Variants in CEACAM4 observed in about 807,000 individuals in gnomAD.
CEACAM4 encodes the protein CEA cell adhesion molecule 4, also known as cell adhesion molecule CEACAM4.
A neutral mutation model predicts 28.7 loss-of-function variants in CEACAM4; 30 were observed. That is an observed-to-expected ratio of 1.05 (90% CI 0.78 to 1.42). The LOEUF (loss-of-function observed/expected upper bound fraction) is 1.42. Among genes scored for constraint, CEACAM4 ranks in the 40% most tolerant of loss-of-function variants. CEACAM4 has a pLI of 0.00. For missense variants in CEACAM4, 330 were observed against 308.2 expected (o/e 1.07, Z -0.53); for synonymous variants, 143 against 126.5 (o/e 1.13, Z -0.87).
At chr19:41,620,766 G>A (rs113268821) in intron 3 of CEACAM4, 139 bp from the exon 4 acceptor site, 18 of 734,198 alleles carry the variant, frequency 2.5e-5, no homozygotes, top group East Asian at 2.8e-5. Flanking sequence ...TGGTAGGAGC[G>A]GCCGAGGACG....
At chr19:41,623,316 C>A (rs1449452948) in intron 2 of CEACAM4, among the ~76,000 whole-genome samples, 5 of 152,130 alleles carry the variant, frequency 3.3e-5, no homozygotes, top group African/African-American at 9.7e-5. Context: ...CGCTCCTGGC[C>A]CCAGAGTTGT....
chr19:41,619,099 C>T lies in CEACAM4; in HGVS notation c.*231G>A, dbSNP rs182091592. The T allele has an allele frequency of 3.3e-4, 178 of 540,442 alleles. No individual in the cohort carries two copies. Among genetic ancestry groups the T allele is most frequent in the African/African-American group, 3.0e-3 (154 of 51,940 alleles). The allele number at this position is 540,442 out of a possible 1,614,324, so 33.5% of individuals were successfully genotyped here. ...CCCATTCACTTTCCTTGCAAGCCCCCGCTTCCTGTGGTGATGAGAGGCCTT... is the reference window on the plus strand; with the variant it reads ...CCCATTCACTTTCCTTGCAAGCCCCTGCTTCCTGTGGTGATGAGAGGCCTT... On this transcript the variant is annotated 3_prime_UTR_variant, in exon 7 of 7. Transcript: ENST00000221954.
chr19:41,620,100 G>C (rs1568646302), intron 5 of CEACAM4, 111 bp downstream of exon 5: 1 of 1,034,722 alleles, frequency 9.7e-7, no homozygotes, highest in East Asian at 3.0e-5. Flanking sequence ...TGACCTGACT[G>C]TTCTGGGGAA....
At position 41,619,700 on chromosome 19, in the gene CEACAM4, G is replaced by C; in HGVS notation, c.639C>G (p.Pro213=). Residue 213 remains proline, a synonymous_variant, in exon 6 of 7, where the codon CCC becomes CCG. Coordinates refer to ENST00000221954, the MANE Select transcript of CEACAM4 (RefSeq NM_001817.4). ...SHRSTFSAPL[P]SPRTATPIYE... ...AGATGGGAGTGGCTGTTCTGGGGCT[G>C]GGTAGAGGGGCCTGGGCAGGGGAGA... 1 of 1,588,252 alleles carries C rather than the reference G, an allele frequency of 6.3e-7. No individual in the cohort carries two copies. Among genetic ancestry groups the C allele is most frequent in the Non-Finnish European group, 8.6e-7 (1 of 1,165,762 alleles).
chr19:41,622,369 C>T (rs537358023), intron 2 of CEACAM4, among the ~76,000 whole-genome samples: 4 of 152,190 alleles, frequency 2.6e-5, no homozygotes, highest in Non-Finnish European at 4.4e-5. Context: ...TGAGCCACTG[C>T]GCCCAGTCTT....
At chr19:41,626,838 A>G in intron 1 of CEACAM4, 62 bp downstream of exon 1, 1 of 1,486,734 alleles carries the variant, frequency 6.7e-7, no homozygotes, top group Non-Finnish European at 9.4e-7. Flanking sequence ...CTCCTACCCA[A>G]GAGACCCCAG....
At chr19:41,622,486 T>A (rs12972738) in intron 2 of CEACAM4, among the ~76,000 whole-genome samples, 5 of 151,854 alleles carry the variant, frequency 3.3e-5, no homozygotes, top group African/African-American at 1.2e-4. Context: ...TTTTCAGGGG[T>A]CTTCCATGTG....
chr19:41,620,641 G>A lies in CEACAM4; in HGVS notation c.543-14C>T, dbSNP rs1400282761. On this transcript the variant is annotated splice_polypyrimidine_tract_variant and intron_variant, in intron 3 of 6. Transcript: ENST00000221954. Reference sequence around the variant, plus strand: ...TGGATGCTGGCCCTAGGAAAGGTCAGGATTATTCATGAGGGTGCAGGGAGA... The same window carrying A: ...TGGATGCTGGCCCTAGGAAAGGTCAAGATTATTCATGAGGGTGCAGGGAGA... 46 of 1,611,456 alleles carry A rather than the reference G, an allele frequency of 2.9e-5. No homozygotes were observed. Among genetic ancestry groups the A allele is most frequent in the Non-Finnish European group, 3.7e-5 (44 of 1,178,024 alleles).
Position 41,621,631 on chromosome 19 carries a change from C to A in CEACAM4, c.542+20G>T. 1 of 1,437,350 alleles carries A rather than the reference C, an allele frequency of 7.0e-7. No individual in the cohort carries two copies. The highest frequency in any genetic ancestry group is 1.4e-5 in the African/African-American group (1 of 71,682). The allele number at this position is 1,437,350 out of a possible 1,614,324, so 89.0% of individuals were successfully genotyped here. A position where few individuals can be genotyped will look rare whatever the true frequency, so the allele number is the denominator to read the frequency against. On this transcript the variant is annotated intron_variant, in intron 3 of 6. Coordinates refer to ENST00000221954, the MANE Select transcript of CEACAM4 (RefSeq NM_001817.4). The stretch of plus-strand genomic sequence containing the variant: ...GGGTCAGCCTAGGGGTGGGAGGAGG[C>A]TGGGGAAAAGCTGCGGTACCTTCCA...
At position 41,627,033 on chromosome 19, in the gene CEACAM4, G is replaced by GT; in HGVS notation, c.-71dup. On this transcript the variant is annotated 5_prime_UTR_variant, in exon 1 of 7. Coordinates refer to ENST00000221954, the MANE Select transcript of CEACAM4 (RefSeq NM_001817.4). ...CAGGAACGCTCTTGTCAGAGCTGCT[G>GT]TGACTGTCGGCTGTCGGGGCTGCTG... The GT allele has an allele frequency of 7.3e-7, 1 of 1,375,256 alleles. No homozygotes were observed. 85.2% of individuals were successfully genotyped at this position (1,375,256 alleles called of 1,614,324 possible).
chr19:41,614,927 G>C (rs1347300054), downstream of CEACAM4, among the ~76,000 whole-genome samples: 4 of 132,428 alleles, frequency 3.0e-5, no homozygotes, highest in African/African-American at 1.1e-4. Context: ...AAGACGAAGG[G>C]ATAGGGGTGG....
At position 41,625,682 on chromosome 19, in the gene CEACAM4, C is replaced by G; in HGVS notation, c.343G>C (p.Glu115Gln). Residue 115 changes from glutamate (E) to glutamine (Q), a missense_variant, in exon 2 of 7, where the codon GAG (glutamate) becomes CAG (glutamine). Glu to Gln is a conservative substitution (Grantham distance 29, BLOSUM62 2). Transcript: ENST00000221954. ...CGTAGGGTGTAGGATCCTGCGTCCTCCAGGGTGATGTTTTGGAACAGCAGG... is the reference window on the plus strand; with the variant it reads ...CGTAGGGTGTAGGATCCTGCGTCCTGCAGGGTGATGTTTTGGAACAGCAGG... Reference protein sequence around the residue: ...GSLLFQNITLEDAGSYTLRTI... With the variant: ...GSLLFQNITLQDAGSYTLRTI... The G allele has an allele frequency of 6.2e-7, 1 of 1,613,716 alleles. No homozygotes were observed. Among genetic ancestry groups the G allele is most frequent in the Admixed American group, 1.7e-5 (1 of 59,996 alleles).
chr19:41,619,399 T>C lies in CEACAM4; in HGVS notation c.670-4A>G, dbSNP rs781990451. On this transcript the variant is annotated splice_region_variant and splice_polypyrimidine_tract_variant and intron_variant, in intron 6 of 6. Coordinates refer to ENST00000221954, the MANE Select transcript of CEACAM4 (RefSeq NM_001817.4). ...TTGCATCAGAGTATAGCAATTCCTGTAAAAACAGAGAAGAGGCCTCAACCC... is the reference window on the plus strand; with the variant it reads ...TTGCATCAGAGTATAGCAATTCCTGCAAAAACAGAGAAGAGGCCTCAACCC... The C allele has an allele frequency of 3.1e-6, 5 of 1,613,628 alleles. No homozygotes were observed. The highest frequency in any genetic ancestry group is 1.7e-5 in the Admixed American group (1 of 59,984).
chr19:41,615,403 G>A (rs199822355), downstream of CEACAM4, among the ~76,000 whole-genome samples: 4 of 152,210 alleles, frequency 2.6e-5, no homozygotes, highest in African/African-American at 9.6e-5. Flanking sequence ...GAAGCCTCAG[G>A]TGTGTGGAGC....
downstream of CEACAM4, among the ~76,000 whole-genome samples, chr19:41,615,170 G>A (rs779993253): frequency 3.9e-5 from 6 of 152,084 alleles, no homozygotes; most frequent in Non-Finnish European, 8.8e-5. Flanking sequence ...GGTGTGTTAT[G>A]TGTGTCTGTC....
chr19:41,625,069 T>C (rs1449144490), intron 2 of CEACAM4, among the ~76,000 whole-genome samples: 1 of 152,172 alleles, frequency 6.6e-6, no homozygotes, highest in Non-Finnish European at 1.5e-5. Flanking sequence ...GGGAAAGTGG[T>C]AGGCTCTGTC....
At position 41,626,951 on chromosome 19, in the gene CEACAM4, A is replaced by C; in HGVS notation, c.13T>G (p.Ser5Ala). Residue 5 changes from serine (S) to alanine (A), a missense_variant, in exon 1 of 7, where the codon TCA becomes GCA. Coordinates refer to ENST00000221954, the MANE Select transcript of CEACAM4 (RefSeq NM_001817.4). MGPP[S>A]AAPRGGHRPW... ...CTGTGCCCTCCACGGGGAGCGGCTG[A>C]GGGGGGGCCCATGGTCTCTGCTGCC... is the stretch of plus-strand genomic sequence containing the variant. 1 of 1,604,784 alleles carries C rather than the reference A, an allele frequency of 6.2e-7. No individual in the cohort carries two copies.
downstream of CEACAM4, among the ~76,000 whole-genome samples, chr19:41,618,100 C>G (rs972374120): frequency 6.7e-6 from 1 of 149,584 alleles, no homozygotes; most frequent in African/African-American, 2.5e-5. Context: ...TCAAGTGAAC[C>G]TATATGAGAT....
rs782002856 is a variant in CEACAM4, at chr19:41,625,668, G to C, written c.357C>G (p.Ser119=). The change falls in exon 2 of 7, where the codon TCC becomes TCG. Residue 119 remains serine, a synonymous_variant. Transcript: ENST00000221954. ...FQNITLEDAG[S]YTLRTINASY... ...TGGCATTTATGGTTCGTAGGGTGTA[G>C]GATCCTGCGTCCTCCAGGGTGATGT... is the stretch of plus-strand genomic sequence containing the variant. The C allele has an allele frequency of 1.9e-6, 3 of 1,612,174 alleles. No individual in the cohort carries two copies. Among genetic ancestry groups the C allele is most frequent in the Non-Finnish European group, 2.5e-6 (3 of 1,178,912 alleles).
Sources: gnomAD v4.1 joint callset for allele counts (sites outside exome capture counted in the v4.1 genomes callset) on GRCh38, gnomAD v4.1.1 for gene constraint, MANE v1.5 for transcripts, NCBI Gene and HGNC (gene_info 2026-07-23, HGNC 2026-07-21) for gene names.